Variants in PIGN observed in about 807,000 individuals in gnomAD.
The protein encoded by PIGN is phosphatidylinositol glycan anchor biosynthesis class N.
PIGN carries 117 observed loss-of-function variants against 125.4 expected under a neutral mutation model. The ratio of observed to expected loss-of-function variants is 0.93; its 90% CI spans 0.80 to 1.09. The LOEUF (loss-of-function observed/expected upper bound fraction) is 1.09, where lower values mean the gene tolerates loss of function less well. PIGN is among the 50% of genes least tolerant of loss of function. The probability of loss-of-function intolerance (pLI) is 0.00; values close to 1 mark genes in which losing one functional copy is unlikely to be tolerated. For synonymous variants in PIGN, 392 were observed against 377.8 expected (o/e 1.04, Z -0.44); for missense variants, 1,075 against 1,094.9 (o/e 0.98, Z 0.26).
At chr18:62,029,421 A>G (rs1326365657) in intron 23 of PIGN, among the ~76,000 whole-genome samples, 2 of 152,180 alleles carry the variant, frequency 1.3e-5, no homozygotes, top group South Asian at 2.1e-4. Flanking sequence ...ACAAGGGCTC[A>G]GGTAGGTAAA....
At chr18:62,161,086 C>A in intron 4 of PIGN, 47 bp downstream of exon 4, 1 of 1,292,736 alleles carries the variant, frequency 7.7e-7, no homozygotes, top group Non-Finnish European at 1.1e-6. Context: ...TTACTTAACT[C>A]AGAATAACAT....
chr18:62,071,613 A>C (rs927642107), intron 30 of PIGN, among the ~76,000 whole-genome samples: 2 of 152,020 alleles, frequency 1.3e-5, no homozygotes, highest in African/African-American at 4.8e-5. Context: ...GACTGCATAT[A>C]CATGGTGGTC....
At position 62,161,207 on chromosome 18, in the gene PIGN, A is replaced by G. The variant is rs1246376426; in HGVS notation, c.147T>C (p.Phe49=). 5.0e-6 allele frequency: 8 copies of G among 1,613,852 alleles called. No homozygotes were observed. The highest frequency in any genetic ancestry group is 4.5e-5 in the East Asian group (2 of 44,886). Residue 49 remains phenylalanine (F), a synonymous_variant, in exon 4 of 31, where the codon TTT becomes TTC. Coordinates refer to ENST00000640252, the MANE Select transcript of PIGN (RefSeq NM_176787.5). The part of the protein sequence containing the change: ...LPPPARRLVL[F]VADGLRADAL... ...CATCTGCTCGAAGGCCATCAGCAAC[A>G]AACAACACTAATCTTCTCGCTGGAG...
intron 25 of PIGN, 108 bp downstream of exon 25, chr18:62,088,648 A>G: frequency 1.5e-6 from 1 of 678,096 alleles, no homozygotes; most frequent in East Asian, 2.8e-5. Context: ...AGGGAGGTTA[A>G]AGTACTTAAC....
Position 62,109,987 on chromosome 18 carries a change from C to CA in PIGN, c.1435-15dup, listed in dbSNP as rs755260689. The CA allele has an allele frequency of 2.5e-6, 4 of 1,612,470 alleles. No homozygotes were observed. The South Asian group carries it at 4.4e-5, about 18-fold the overall frequency. ...ATGGCTTGGTTTCTGAAAAATCAAA[C>CA]AAAACATTGAAACACTTCCAAACCA... is the stretch of plus-strand genomic sequence containing the variant. On this transcript the variant is annotated splice_polypyrimidine_tract_variant and intron_variant, in intron 16 of 30. Coordinates refer to ENST00000640252, the MANE Select transcript of PIGN (RefSeq NM_176787.5).
intron 1 of PIGN, among the ~76,000 whole-genome samples, chr18:62,176,490 C>G (rs1404631433): frequency 6.6e-6 from 1 of 151,916 alleles, no homozygotes; most frequent in Non-Finnish European, 1.5e-5. Context: ...TAGTCAGACA[C>G]CATTTAACCA....
intron 14 of PIGN, among the ~76,000 whole-genome samples, chr18:62,124,420 G>A (rs2035423587): frequency 6.6e-6 from 1 of 152,118 alleles, no homozygotes; most frequent in Non-Finnish European, 1.5e-5. Flanking sequence ...ACCAGATTAG[G>A]AGAGAGACTG....
At chr18:62,170,905 T>C (rs1338586877) in intron 1 of PIGN, among the ~76,000 whole-genome samples, 1 of 152,204 alleles carries the variant, frequency 6.6e-6, no homozygotes, top group African/African-American at 2.4e-5. Flanking sequence ...GTGGTCTGGA[T>C]AGAAGATCAA....
chr18:62,097,072 T>C (rs940735129), intron 22 of PIGN, among the ~76,000 whole-genome samples: 17 of 150,888 alleles, frequency 1.1e-4, no homozygotes, highest in Non-Finnish European at 2.4e-4. Context: ...AATTGACAAA[T>C]GGGATCTAAT....
At chr18:62,086,611 G>GTTTTTTTTTT (rs34619080) in intron 25 of PIGN, among the ~76,000 whole-genome samples, 1 of 106,820 alleles carries the variant, frequency 9.4e-6, no homozygotes, top group Non-Finnish European at 1.8e-5. Flanking sequence ...GTAAGACTCC[G>GTTTTTTTTTT]TTTTTTGTTT....
At chr18:62,150,692 A>T (rs1225824333) in intron 7 of PIGN, among the ~76,000 whole-genome samples, 1 of 134,298 alleles carries the variant, frequency 7.4e-6, no homozygotes, top group Non-Finnish European at 1.7e-5. Context: ...ATGAAGAGTT[A>T]TTTTTTTTGT....
intron 14 of PIGN, among the ~76,000 whole-genome samples, chr18:62,133,122 T>C (rs1376908915): frequency 2.0e-5 from 3 of 152,242 alleles, no homozygotes; most frequent in Admixed American, 1.3e-4. Flanking sequence ...GTCGGCTTTA[T>C]GTTAGATGAT....
Position 62,082,724 on chromosome 18 carries a change from A to G in PIGN, c.2525T>C (p.Val842Ala), listed in dbSNP as rs1430697436. ...CTGAACTGCTTCAAAAGCACACATAACAAGAACAAAGGGGATTAAAATCTG... is the reference window on the plus strand; with the variant it reads ...CTGAACTGCTTCAAAAGCACACATAGCAAGAACAAAGGGGATTAAAATCTG... ...MWKILIPFVL[V>A]MCAFEAVQLT... Residue 842 changes from valine to alanine, a missense_variant, in exon 28 of 31, where the codon GTT (valine) becomes GCT (alanine). Val to Ala is a moderately conservative substitution (Grantham distance 64, BLOSUM62 0). Around this residue, in one of 3 missense-constraint regions of PIGN, gnomAD observed 915 missense variants for 908.7 expected, o/e 1.01. Coordinates refer to ENST00000640252, the MANE Select transcript of PIGN (RefSeq NM_176787.5). 10 of 1,550,306 alleles carry G rather than the reference A, an allele frequency of 6.5e-6. No homozygotes were observed. Among genetic ancestry groups the G allele is most frequent in the Non-Finnish European group, 8.8e-6 (10 of 1,140,490 alleles).
intron 28 of PIGN, among the ~76,000 whole-genome samples, chr18:62,081,928 A>T (rs2033468185): frequency 6.6e-6 from 1 of 152,160 alleles, no homozygotes; most frequent in Non-Finnish European, 1.5e-5. Flanking sequence ...GCTTATACTC[A>T]TCAAGAACAA....
chr18:62,034,009 T>C (rs780668046), intron 23 of PIGN, among the ~76,000 whole-genome samples: 1 of 152,180 alleles, frequency 6.6e-6, no homozygotes, highest in Non-Finnish European at 1.5e-5. Context: ...AGAGCCCAGA[T>C]GGGTCTGTGT....
intron 1 of PIGN, among the ~76,000 whole-genome samples, chr18:62,164,550 C>A (rs1359662769): frequency 6.6e-6 from 1 of 152,070 alleles, no homozygotes; most frequent in Non-Finnish European, 1.5e-5. Context: ...CCAGATCTCA[C>A]GAGAACCCAC....
chr18:62,128,782 T>C (rs1230260019), intron 14 of PIGN, among the ~76,000 whole-genome samples: 1 of 152,180 alleles, frequency 6.6e-6, no homozygotes, highest in African/African-American at 2.4e-5. Flanking sequence ...TATTTTATTA[T>C]TACATTTGCA....
At chr18:62,154,699 A>G (rs751671025) in intron 6 of PIGN, 48 bp from the exon 7 acceptor site, 10 of 908,518 alleles carry the variant, frequency 1.1e-5, no homozygotes, top group Admixed American at 1.8e-5. Context: ...AATCTTTTAA[A>G]CTATCATAAA....
chr18:62,020,572 C>T (rs905708429), intron 23 of PIGN, among the ~76,000 whole-genome samples: 1 of 151,306 alleles, frequency 6.6e-6, no homozygotes, highest in Non-Finnish European at 1.5e-5. Context: ...AATAGACATT[C>T]GCATATTAGC....
Sources: gnomAD v4.1 joint callset for allele counts (sites outside exome capture counted in the v4.1 genomes callset) on GRCh38, gnomAD v4.1.1 for gene constraint, gnomAD v4.1.1 regional missense constraint, MANE v1.5 for transcripts, NCBI Gene and HGNC (gene_info 2026-07-23, HGNC 2026-07-21) for gene names.